Variants in KCNIP4 observed in about 807,000 individuals in gnomAD.
KCNIP4 encodes Kv channel-interacting protein 4.
Under a neutral mutation model 34.0 loss-of-function variants are expected in KCNIP4, and 12 were observed. The observed-to-expected ratio is 0.35, with a 90% CI of 0.23 to 0.57. The LOEUF is 0.57. KCNIP4 is among the 20% of genes least tolerant of loss of function. KCNIP4 has a pLI of 0.83. For missense variants in KCNIP4, 238 were observed against 311.7 expected (o/e 0.76, Z 1.78); for synonymous variants, 124 against 102.2 (o/e 1.21, Z -1.29).
intron 1 of KCNIP4, among the ~76,000 whole-genome samples, chr4:21,092,307 T>G (rs1445152664): frequency 6.6e-6 from 1 of 151,668 alleles, no homozygotes; most frequent in Non-Finnish European, 1.5e-5. Context: ...CTATCGGGTC[T>G]CCCAAAGATG....
intron 3 of KCNIP4, among the ~76,000 whole-genome samples, chr4:20,811,152 A>C (rs1578675407): frequency 6.6e-6 from 1 of 152,204 alleles, no homozygotes; most frequent in East Asian, 1.9e-4. Context: ...TATTTGGTCC[A>C]GTTCTCAAAC....
intron 1 of KCNIP4, among the ~76,000 whole-genome samples, chr4:21,637,652 G>A (rs957823872): frequency 7.3e-5 from 11 of 151,650 alleles, no homozygotes; most frequent in Non-Finnish European, 1.2e-4. Context: ...GCATGGTGGC[G>A]CACACCTGTA....
chr4:21,441,398 C>T (rs74820835), intron 1 of KCNIP4, among the ~76,000 whole-genome samples: 1,959 of 152,160 alleles, frequency 0.013, 23 homozygotes, highest in Middle Eastern at 0.027. Context: ...CCGTCTCGGC[C>T]TCCCAAAGTG....
At chr4:21,719,496 A>G (rs568105481) in intron 1 of KCNIP4, among the ~76,000 whole-genome samples, 1 of 152,338 alleles carries the variant, frequency 6.6e-6, no homozygotes, top group East Asian at 1.9e-4. Flanking sequence ...TTATGTTACC[A>G]TCTCAAGGGA....
At chr4:21,553,580 G>A (rs937513739) in intron 1 of KCNIP4, among the ~76,000 whole-genome samples, 3 of 152,020 alleles carry the variant, frequency 2.0e-5, no homozygotes, top group Non-Finnish European at 4.4e-5. Flanking sequence ...TCTGCTTGGT[G>A]AGGCACCCTG....
At chr4:21,268,739 A>G (rs972718926) in intron 1 of KCNIP4, among the ~76,000 whole-genome samples, 2 of 152,202 alleles carry the variant, frequency 1.3e-5, no homozygotes, top group African/African-American at 4.8e-5. Context: ...TTTAAAACCC[A>G]TGTGCTAAGG....
intron 1 of KCNIP4, among the ~76,000 whole-genome samples, chr4:21,197,840 T>C (rs1015137275): frequency 2.0e-5 from 3 of 152,176 alleles, no homozygotes; most frequent in Non-Finnish European, 4.4e-5. Flanking sequence ...GTTCTAGGAA[T>C]AGCTTAACTT....
chr4:20,739,601 C>G (rs769509178), intron 5 of KCNIP4, among the ~76,000 whole-genome samples: 24 of 152,132 alleles, frequency 1.6e-4, no homozygotes, highest in Non-Finnish European at 3.2e-4. Flanking sequence ...TCACCATCAT[C>G]AAAGACCAAA....
chr4:21,483,267 G>A (rs1731600314), intron 1 of KCNIP4, among the ~76,000 whole-genome samples: 1 of 151,756 alleles, frequency 6.6e-6, no homozygotes, highest in Non-Finnish European at 1.5e-5. Flanking sequence ...GGTTGAACTT[G>A]ATGACATAAA....
At chr4:21,043,931 CT>C (rs1024076370) in intron 1 of KCNIP4, among the ~76,000 whole-genome samples, 5 of 152,112 alleles carry the variant, frequency 3.3e-5, no homozygotes, top group African/African-American at 1.2e-4. Flanking sequence ...TCCAAATCGC[CT>C]TTAAAAACTT....
intron 1 of KCNIP4, among the ~76,000 whole-genome samples, chr4:21,535,103 C>G (rs1390048019): frequency 1.3e-5 from 2 of 152,088 alleles, no homozygotes; most frequent in African/African-American, 2.4e-5. Flanking sequence ...ACTACTTAGT[C>G]TGTAAGCAAA....
intron 1 of KCNIP4, among the ~76,000 whole-genome samples, chr4:21,051,632 T>A (rs1216180541): frequency 6.6e-6 from 1 of 152,140 alleles, no homozygotes; most frequent in African/African-American, 2.4e-5. Flanking sequence ...AAAAAACAAC[T>A]CATTCTTTAT....
intron 1 of KCNIP4, among the ~76,000 whole-genome samples, chr4:21,920,128 T>G (rs756405285): frequency 4.6e-5 from 7 of 152,160 alleles, no homozygotes; most frequent in African/African-American, 7.2e-5. Flanking sequence ...ATCTTTTCTT[T>G]AAACTGATGC....
chr4:21,047,187 C>T (rs531012308), intron 1 of KCNIP4, among the ~76,000 whole-genome samples: 1 of 152,108 alleles, frequency 6.6e-6, no homozygotes, highest in Non-Finnish European at 1.5e-5. Context: ...TGTGGCATCC[C>T]TTTTTCAAAG....
chr4:20,854,905 A>G (rs185115403), intron 2 of KCNIP4, among the ~76,000 whole-genome samples: 34 of 152,326 alleles, frequency 2.2e-4, no homozygotes, highest in Admixed American at 1.9e-3. Context: ...TGTTTACGCT[A>G]TAATTTCTCA....
In KCNIP4 at chr4:21,374,604, A is replaced by T. The variant is rs182629068; in HGVS notation, c.62-491895T>A. Among the ~76,000 whole-genome samples the T allele has an allele frequency of 6.7e-4, 99 of 147,744 alleles. 14 individuals are homozygous for T. The East Asian group carries it at 0.019, about 28-fold the overall frequency. The stretch of plus-strand genomic sequence containing the variant: ...ATGAAGGCAACAACAGGTGAACTGT[A>T]TGGTATGGGCATGATAACTTAATAG... On this transcript the variant is annotated intron_variant, in intron 1 of 8. Transcript: ENST00000382152.
In KCNIP4 at chr4:20,878,489, C is replaced by T. The variant is rs140762895; in HGVS notation, c.163+4119G>A. 2.7e-3 allele frequency among the ~76,000 whole-genome samples: 416 copies of T among 152,242 alleles called. 3 individuals carry two copies. Among genetic ancestry groups the T allele is most frequent in the African/African-American group, 9.6e-3 (400 of 41,538 alleles). On this transcript the variant is annotated intron_variant, in intron 2 of 8. Coordinates refer to ENST00000382152, the MANE Select transcript of KCNIP4 (RefSeq NM_025221.6). ...CATATATTCCCTTTCCATCATATTA[C>T]CACAGGTTTACTTCTGCTATAACAC...
chr4:21,566,888 A>G (rs1739937396), intron 1 of KCNIP4, among the ~76,000 whole-genome samples: 2 of 152,100 alleles, frequency 1.3e-5, no homozygotes, highest in Non-Finnish European at 2.9e-5. Context: ...GCACACATAC[A>G]GGACATAAAG....
chr4:20,902,530 A>AT (rs1553913641), intron 1 of KCNIP4, among the ~76,000 whole-genome samples: 1 of 151,984 alleles, frequency 6.6e-6, no homozygotes, highest in Non-Finnish European at 1.5e-5. Context: ...TGTTATTGCT[A>AT]TTTTTTGAGA....
Sources: allele counts gnomAD v4.1 joint callset (sites outside exome capture counted in the v4.1 genomes callset), GRCh38; gene constraint gnomAD v4.1.1; transcripts MANE v1.5; gene names NCBI Gene and HGNC (gene_info 2026-07-23, HGNC 2026-07-21).